The following TMEM132D variants were observed in gnomAD, a reference collection of about 807,000 sequenced individuals.
The protein encoded by TMEM132D is transmembrane protein 132D, also known as mature OL transmembrane protein.
In TMEM132D, 21 loss-of-function variants were observed where a neutral mutation model predicts 62.3. That is an observed-to-expected ratio of 0.34 (90% CI 0.24 to 0.49). TMEM132D has a LOEUF of 0.49. Ranked by LOEUF, TMEM132D falls within the 20% of genes least tolerant of loss-of-function variation. The pLI is 0.99. For synonymous variants in TMEM132D, 621 were observed against 575.6 expected, an observed-to-expected ratio of 1.08 and a Z score of -1.13; for missense variants, 1,346 against 1,402.8, an observed-to-expected ratio of 0.96 and a Z score of 0.65.
intron 1 of TMEM132D, among the ~76,000 whole-genome samples, chr12:129,896,616 T>G (rs543125826): frequency 2.0e-5 from 3 of 152,250 alleles, no homozygotes; most frequent in East Asian, 3.9e-4. Flanking sequence ...ACATAAACAT[T>G]TAATGTCACT....
chr12:129,232,791 C>A (rs1384382575), intron 4 of TMEM132D, among the ~76,000 whole-genome samples: 1 of 152,026 alleles, frequency 6.6e-6, no homozygotes, highest in African/African-American at 2.4e-5. Flanking sequence ...GAAAGGGAAG[C>A]AGGCGCGTCT....
chr12:129,791,128 G>C (rs1326746118), intron 1 of TMEM132D, among the ~76,000 whole-genome samples: 1 of 152,154 alleles, frequency 6.6e-6, no homozygotes, highest in East Asian at 1.9e-4. Flanking sequence ...TCAATAGCTT[G>C]CATAATGCTG....
At chr12:129,377,404 A>T (rs1870812363) in intron 3 of TMEM132D, among the ~76,000 whole-genome samples, 1 of 152,234 alleles carries the variant, frequency 6.6e-6, no homozygotes, top group Non-Finnish European at 1.5e-5. Flanking sequence ...CCAAGGTGTC[A>T]TAATTCAAGA....
intron 1 of TMEM132D, among the ~76,000 whole-genome samples, chr12:129,893,269 T>G (rs1488837224): frequency 6.6e-6 from 1 of 152,164 alleles, no homozygotes; most frequent in Non-Finnish European, 1.5e-5. Context: ...ACACAAAGGA[T>G]GGTGGTGAGG....
At chr12:129,480,684 C>T (rs183547260) in intron 3 of TMEM132D, among the ~76,000 whole-genome samples, 1 of 152,244 alleles carries the variant, frequency 6.6e-6, no homozygotes, top group East Asian at 1.9e-4. Context: ...TCCAGGGACT[C>T]CAGATAAATG....
intron 1 of TMEM132D, among the ~76,000 whole-genome samples, chr12:129,833,085 G>T (rs775515371): frequency 6.6e-6 from 1 of 152,196 alleles, no homozygotes; most frequent in East Asian, 1.9e-4. Context: ...GCTCGTGCCT[G>T]AGTGCAGGCT....
chr12:129,691,525 G>T (rs913913539), intron 2 of TMEM132D, among the ~76,000 whole-genome samples: 9 of 151,874 alleles, frequency 5.9e-5, no homozygotes, highest in Non-Finnish European at 1.0e-4. Flanking sequence ...TAAATTAAAA[G>T]GTAAGTTTTC....
At chr12:129,657,497 CAA>C (rs1307117511) in intron 2 of TMEM132D, among the ~76,000 whole-genome samples, 1 of 152,284 alleles carries the variant, frequency 6.6e-6, no homozygotes, top group East Asian at 1.9e-4. Flanking sequence ...AGGAAATAAA[CAA>C]AGTCTCTAAG....
intron 1 of TMEM132D, among the ~76,000 whole-genome samples, chr12:129,895,307 A>G (rs1243286609): frequency 6.6e-6 from 1 of 151,842 alleles, no homozygotes; most frequent in Non-Finnish European, 1.5e-5. Flanking sequence ...CTCTATCTTT[A>G]CTCCACATTC....
At chr12:129,236,547 AGAAAT>A (rs1288915665) in intron 4 of TMEM132D, among the ~76,000 whole-genome samples, 4 of 151,782 alleles carry the variant, frequency 2.6e-5, no homozygotes, top group South Asian at 2.1e-4. Flanking sequence ...AAAAAAGAAA[AGAAAT>A]GAAACTGGCT....
At chr12:129,261,480 T>G (rs1880548700) in intron 4 of TMEM132D, among the ~76,000 whole-genome samples, 1 of 152,188 alleles carries the variant, frequency 6.6e-6, no homozygotes. Context: ...TTGTGAGGCC[T>G]CCCCAGCCAT....
intron 1 of TMEM132D, among the ~76,000 whole-genome samples, chr12:129,707,758 CA>C (rs1881540825): frequency 6.6e-6 from 1 of 152,154 alleles, no homozygotes; most frequent in African/African-American, 2.4e-5. Flanking sequence ...TCATTCCCAA[CA>C]CAGATATTTG....
chr12:129,745,435 T>C (rs11060528), intron 1 of TMEM132D, among the ~76,000 whole-genome samples: 5,099 of 152,320 alleles, frequency 0.033, 120 homozygotes, highest in Admixed American at 0.061. Context: ...CCAGGTCATC[T>C]GGTTATATCC....
intron 1 of TMEM132D, among the ~76,000 whole-genome samples, chr12:129,811,890 G>C (rs898941717): frequency 1.3e-5 from 2 of 151,624 alleles, no homozygotes; most frequent in African/African-American, 2.4e-5. Flanking sequence ...GGATTCTTCC[G>C]CAGCTTCAGT....
chr12:129,759,007 C>G (rs1431749157), intron 1 of TMEM132D, among the ~76,000 whole-genome samples: 1 of 151,524 alleles, frequency 6.6e-6, no homozygotes, highest in Non-Finnish European at 1.5e-5. Flanking sequence ...AATCTCAGCT[C>G]ACTGCAACCT....
At chr12:129,423,309 A>G (rs1872384446) in intron 3 of TMEM132D, among the ~76,000 whole-genome samples, 2 of 152,106 alleles carry the variant, frequency 1.3e-5, no homozygotes, top group Admixed American at 1.3e-4. Context: ...CTAGAATAAA[A>G]CTAAGGAAAA....
intron 5 of TMEM132D, among the ~76,000 whole-genome samples, chr12:129,141,407 T>C (rs1484182981): frequency 6.6e-6 from 1 of 152,210 alleles, no homozygotes; most frequent in Non-Finnish European, 1.5e-5. Context: ...AAACAGCAGA[T>C]ACATAAAGTG....
intron 1 of TMEM132D, among the ~76,000 whole-genome samples, chr12:129,778,225 C>G (rs1357622002): frequency 6.6e-6 from 1 of 150,898 alleles, no homozygotes; most frequent in Non-Finnish European, 1.5e-5. Flanking sequence ...TTCTCCCATT[C>G]TTTAAAAAAA....
At chr12:129,462,440 A>T (rs1317417111) in intron 3 of TMEM132D, among the ~76,000 whole-genome samples, 8 of 152,200 alleles carry the variant, frequency 5.3e-5, no homozygotes, top group Non-Finnish European at 1.2e-4. Context: ...AGTATTACAG[A>T]CAAAAAAAAA....
Sources: gnomAD v4.1 joint callset for allele counts (sites outside exome capture counted in the v4.1 genomes callset) on GRCh38, gnomAD v4.1.1 for gene constraint, MANE v1.5 for transcripts, NCBI Gene and HGNC (gene_info 2026-07-23, HGNC 2026-07-21) for gene names.